Variants in HMGA2 observed in about 807,000 individuals in gnomAD.
HMGA2 encodes high mobility group AT-hook 2.
A neutral mutation model predicts 19.1 loss-of-function variants in HMGA2; 8 were observed. The ratio of observed to expected loss-of-function variants is 0.42; its 90% CI spans 0.25 to 0.76. The LOEUF (loss-of-function observed/expected upper bound fraction) is 0.76, where lower values mean the gene tolerates loss of function less well. HMGA2 is among the 30% of genes least tolerant of loss of function. The pLI is 0.28. For synonymous variants in HMGA2, 60 were observed against 48.8 expected (o/e 1.23, Z -0.96); for missense variants, 109 against 136.3 (o/e 0.80, Z 1.00).
chr12:65,825,134 C>T lies in HMGA2; in HGVS notation c.-137C>T. On this transcript the variant is annotated 5_prime_UTR_variant, in exon 1 of 5. Coordinates refer to ENST00000403681, the MANE Select transcript of HMGA2 (RefSeq NM_003483.6). This position sits in a 1 kb window ranked among gnomAD's most constrained non-coding sequence, Gnocchi z 4.4. ...GCGGCGGCAGCCTAAGCAACAGCAG[C>T]CCTCGCAGCCCGCCAGCTCGCGCTC... The T allele has an allele frequency of 1.6e-6, 1 of 643,770 alleles. No individual in the cohort carries two copies. The highest frequency in any genetic ancestry group is 2.5e-6 in the Non-Finnish European group (1 of 402,032). 39.9% of individuals were successfully genotyped at this position (643,770 alleles called of 1,614,324 possible). A position where few individuals can be genotyped will look rare whatever the true frequency, so the allele number is the denominator to read the frequency against.
At position 65,825,260 on chromosome 12, in the gene HMGA2, C is replaced by A; in HGVS notation, c.-11C>A. ...GCGGCTGCAGCGGCGGTAGCGGCGG[C>A]GGGAGGCAGGATGAGCGCACGCGGT... is the stretch of plus-strand genomic sequence containing the variant. On this transcript the variant is annotated 5_prime_UTR_variant, in exon 1 of 5. Coordinates refer to ENST00000403681, the MANE Select transcript of HMGA2 (RefSeq NM_003483.6). This position sits in a 1 kb window ranked among gnomAD's most constrained non-coding sequence, Gnocchi z 4.4. 6.6e-7 allele frequency: 1 copy of A among 1,524,514 alleles called. No individual in the cohort carries two copies. Among genetic ancestry groups the A allele is most frequent in the Non-Finnish European group, 8.8e-7 (1 of 1,140,522 alleles). The allele number at this position is 1,524,514 out of a possible 1,614,324, so 94.4% of individuals were successfully genotyped here. A position where few individuals can be genotyped will look rare whatever the true frequency, so the allele number is the denominator to read the frequency against.
intron 3 of HMGA2, among the ~76,000 whole-genome samples, chr12:65,852,792 G>A (rs1166971295): frequency 6.6e-6 from 1 of 152,166 alleles, no homozygotes; most frequent in Non-Finnish European, 1.5e-5. Context: ...GCAGGGTTGG[G>A]TGAGGTTAAG....
intron 3 of HMGA2, chr12:65,882,160 G>A: frequency 2.5e-6 from 1 of 397,244 alleles, no homozygotes; most frequent in Admixed American, 3.6e-5. Context: ...GCGAGGTCTT[G>A]CGGGCTGGCC....
intron 3 of HMGA2, among the ~76,000 whole-genome samples, chr12:65,897,083 T>C (rs2121157893): frequency 6.6e-6 from 1 of 152,358 alleles, no homozygotes; most frequent in South Asian, 2.1e-4. Context: ...TGAACACTAT[T>C]TTTTTAAAGT....
chr12:65,829,718 T>G (rs561451824), intron 2 of HMGA2, among the ~76,000 whole-genome samples: 3 of 152,064 alleles, frequency 2.0e-5, no homozygotes, highest in Non-Finnish European at 4.4e-5. Context: ...CTATATTTCA[T>G]GTTTTTTGGA....
At chr12:65,862,470 A>G (rs1872152821) in intron 3 of HMGA2, among the ~76,000 whole-genome samples, 1 of 152,206 alleles carries the variant, frequency 6.6e-6, no homozygotes, top group Non-Finnish European at 1.5e-5. Flanking sequence ...TTACACAGTA[A>G]TTGAGGAAAA....
At chr12:65,890,877 C>A (rs1873874839) in intron 3 of HMGA2, among the ~76,000 whole-genome samples, 4 of 152,038 alleles carry the variant, frequency 2.6e-5, no homozygotes, top group African/African-American at 7.2e-5. Flanking sequence ...GTGTGCATCA[C>A]CGTGCCCGGC....
chr12:65,963,259 G>C lies in HMGA2; in HGVS notation c.297G>C (p.Glu99Asp). Residue 99 changes from glutamate (E) to aspartate (D), a missense_variant, in exon 5 of 5, where the codon GAG becomes GAC. By Grantham distance (45) the Glu-to-Asp change is conservative. Coordinates refer to ENST00000403681, the MANE Select transcript of HMGA2 (RefSeq NM_003483.6). ...GTGTGTTCCAGGAGGAAACTGAAGA[G>C]ACATCCTCACAAGAGTCTGCCGAAG... is the stretch of plus-strand genomic sequence containing the variant. ...QKKPAQEETE[E>D]TSSQESAEED The C allele has an allele frequency of 6.2e-7, 1 of 1,613,754 alleles. No individual in the cohort carries two copies. Among genetic ancestry groups the C allele is most frequent in the Non-Finnish European group, 8.5e-7 (1 of 1,179,824 alleles).
intron 4 of HMGA2, chr12:65,955,582 C>T (rs1465506513): frequency 6.6e-6 from 1 of 152,198 alleles, no homozygotes; most frequent in East Asian, 1.9e-4. Flanking sequence ...AACAGCTCTC[C>T]ACCCTTTCAA....
intron 3 of HMGA2, among the ~76,000 whole-genome samples, chr12:65,867,184 C>T (rs1292786530): frequency 6.6e-6 from 1 of 152,074 alleles, no homozygotes; most frequent in East Asian, 1.9e-4. Flanking sequence ...AACTGGTATC[C>T]CTGAATGTGG....
intron 4 of HMGA2, among the ~76,000 whole-genome samples, chr12:65,962,371 A>G (rs1274701762): frequency 6.6e-6 from 1 of 152,236 alleles, no homozygotes; most frequent in African/African-American, 2.4e-5. Flanking sequence ...CAGAAAAAGG[A>G]AAAGGGAAGG....
intron 3 of HMGA2, among the ~76,000 whole-genome samples, chr12:65,899,221 T>A (rs1874273879): frequency 6.6e-6 from 1 of 152,202 alleles, no homozygotes; most frequent in Non-Finnish European, 1.5e-5. Context: ...GATGAAAACT[T>A]AAAAGTTTAG....
At chr12:65,898,494 C>T (rs893090734) in intron 3 of HMGA2, among the ~76,000 whole-genome samples, 10 of 152,034 alleles carry the variant, frequency 6.6e-5, no homozygotes, top group South Asian at 4.1e-4. Flanking sequence ...AAGGTGCTAA[C>T]GAGGCATCTT....
intron 3 of HMGA2, among the ~76,000 whole-genome samples, chr12:65,918,665 G>T (rs528870444): frequency 6.6e-6 from 1 of 152,146 alleles, no homozygotes; most frequent in Non-Finnish European, 1.5e-5. Context: ...TCAGATTTTG[G>T]TAAAGATCAA....
chr12:65,870,980 T>A lies in HMGA2; in HGVS notation c.249+32411T>A, dbSNP rs1216501138. ...ATACATGCTTAAGGAGATTGGATGTTACAGGAAATGGGAAGCTATTAAAGA... is the reference window on the plus strand; with the variant it reads ...ATACATGCTTAAGGAGATTGGATGTAACAGGAAATGGGAAGCTATTAAAGA... On this transcript the variant is annotated intron_variant, in intron 3 of 4. Transcript: ENST00000403681. 3.3e-5 allele frequency among the ~76,000 whole-genome samples: 5 copies of A among 152,166 alleles called. No individual in the cohort carries two copies. The East Asian group carries it at 9.7e-4, about 29-fold the overall frequency.
At chr12:65,932,061 AG>A (rs1875734734) in intron 3 of HMGA2, among the ~76,000 whole-genome samples, 1 of 152,200 alleles carries the variant, frequency 6.6e-6, no homozygotes, top group Non-Finnish European at 1.5e-5. Context: ...CATTCTAAGA[AG>A]TATAAAACAA....
chr12:65,887,564 T>C (rs1391910707), intron 3 of HMGA2, among the ~76,000 whole-genome samples: 1 of 151,808 alleles, frequency 6.6e-6, no homozygotes, highest in Non-Finnish European at 1.5e-5. Flanking sequence ...CTACTAAAAA[T>C]ATACAAAAAT....
At chr12:65,953,784 A>G (rs1433654607) in intron 4 of HMGA2, 1 of 152,248 alleles carries the variant, frequency 6.6e-6, no homozygotes, top group Non-Finnish European at 1.5e-5. Flanking sequence ...GTGATGAATT[A>G]TATAAACATG....
intron 3 of HMGA2, among the ~76,000 whole-genome samples, chr12:65,917,985 A>T (rs1349097800): frequency 6.6e-6 from 1 of 152,238 alleles, no homozygotes; most frequent in Non-Finnish European, 1.5e-5. Flanking sequence ...CAGTGAAAAC[A>T]TCCAGTTTTG....
Sources: allele counts gnomAD v4.1 joint callset (sites outside exome capture counted in the v4.1 genomes callset), GRCh38; gene constraint gnomAD v4.1.1; non-coding constraint Gnocchi (gnomAD v3.1); transcripts MANE v1.5; gene names NCBI Gene and HGNC (gene_info 2026-07-23, HGNC 2026-07-21).